Variants in NRCAM observed in about 807,000 individuals in gnomAD.
NRCAM encodes neuronal cell adhesion molecule.
In NRCAM, 83 loss-of-function variants were observed where a neutral mutation model predicts 156.5. The ratio of observed to expected loss-of-function variants is 0.53; its 90% CI spans 0.44 to 0.64. The LOEUF is 0.64. Among genes scored for constraint, NRCAM ranks in the 30% least tolerant of loss-of-function variants. The pLI is 0.00. For missense variants in NRCAM, 1,417 were observed against 1,597.3 expected (o/e 0.89, Z 1.92); for synonymous variants, 538 against 563.9 (o/e 0.95, Z 0.65).
rs2092922458 is a variant in NRCAM, at chr7:108,223,958, A to C, written c.779-122T>G. On this transcript the variant is annotated intron_variant, in intron 10 of 32. Coordinates refer to ENST00000379028, the MANE Select transcript of NRCAM (RefSeq NM_001037132.4). ...TTTAAGCTATTTAACATTAATTGTG[A>C]AATTTGTTAAGCTACATACACATAC... 2.6e-5 allele frequency: 16 copies of C among 614,486 alleles called. No homozygotes were observed. The East Asian group carries it at 4.5e-4, about 17-fold the overall frequency. 38.1% of individuals were successfully genotyped at this position (614,486 alleles called of 1,614,324 possible).
intron 3 of NRCAM, among the ~76,000 whole-genome samples, chr7:108,262,431 C>G (rs1412113880): frequency 1.3e-5 from 2 of 152,120 alleles, no homozygotes; most frequent in African/African-American, 4.8e-5. Context: ...GGTTCTCTCA[C>G]TTGTCTCCTT....
intron 3 of NRCAM, among the ~76,000 whole-genome samples, chr7:108,312,046 A>T (rs2098810109): frequency 6.6e-6 from 1 of 152,160 alleles, no homozygotes; most frequent in South Asian, 2.1e-4. Flanking sequence ...TTCAGAAGGC[A>T]TCATAGGCCT....
In NRCAM at chr7:108,343,549, C is replaced by T. The variant is rs184318273; in HGVS notation, c.-173-30818G>A. On this transcript the variant is annotated intron_variant, in intron 2 of 32. Coordinates refer to ENST00000379028, the MANE Select transcript of NRCAM (RefSeq NM_001037132.4). Reference sequence around the variant, plus strand: ...AGAAGGACCCCTAGTATGTGGTAATCCCCTCTGGGAAACCAAGCCCCAGTA... The same window carrying T: ...AGAAGGACCCCTAGTATGTGGTAATTCCCTCTGGGAAACCAAGCCCCAGTA... Among the ~76,000 whole-genome samples, 394 of 152,312 alleles carry T rather than the reference C, an allele frequency of 2.6e-3. 3 individuals are homozygous for T. Among genetic ancestry groups the T allele is most frequent in the African/African-American group, 9.1e-3 (379 of 41,580 alleles).
chr7:108,172,658 T>C (rs2058921040), intron 28 of NRCAM, among the ~76,000 whole-genome samples: 1 of 152,116 alleles, frequency 6.6e-6, no homozygotes, highest in Admixed American at 6.5e-5. Flanking sequence ...TACACAAATA[T>C]TGAGAGCTTT....
At chr7:108,178,568 G>C (rs2061888208) in intron 25 of NRCAM, among the ~76,000 whole-genome samples, 1 of 152,158 alleles carries the variant, frequency 6.6e-6, no homozygotes, top group African/African-American at 2.4e-5. Context: ...GCTGGGCTTT[G>C]GGCCAGCATG....
intron 1 of NRCAM, among the ~76,000 whole-genome samples, chr7:108,431,741 T>C (rs7780552): frequency 0.9 from 137,094 of 152,274 alleles, 62,154 homozygotes; most frequent in East Asian, 1. Context: ...GCTAGGATCA[T>C]GCCACTGCAC....
chr7:108,356,413 G>A (rs989760835), intron 2 of NRCAM, among the ~76,000 whole-genome samples: 11 of 152,188 alleles, frequency 7.2e-5, no homozygotes, highest in Non-Finnish European at 1.5e-4. Context: ...ATAGGGTTCA[G>A]TACTATCTGC....
At chr7:108,160,577 CGTTAT>C in intron 30 of NRCAM, 85 bp from the exon 31 acceptor site, 2 of 1,229,110 alleles carry the variant, frequency 1.6e-6, no homozygotes, top group Non-Finnish European at 2.2e-6. Flanking sequence ...AAAATTGCCA[CGTTAT>C]GTGAGCTTTC....
chr7:108,396,206 T>A (rs2099776428), intron 2 of NRCAM, among the ~76,000 whole-genome samples: 1 of 152,142 alleles, frequency 6.6e-6, no homozygotes, highest in South Asian at 2.1e-4. Context: ...CAAAAAAGAT[T>A]GAAACAGGGA....
chr7:108,347,345 G>C (rs2099365550), intron 2 of NRCAM, among the ~76,000 whole-genome samples: 1 of 152,098 alleles, frequency 6.6e-6, no homozygotes, highest in African/African-American at 2.4e-5. Context: ...TTATATTTCT[G>C]TTAGACTGTG....
chr7:108,433,002 C>T (rs754480539), intron 1 of NRCAM, among the ~76,000 whole-genome samples: 2 of 152,112 alleles, frequency 1.3e-5, no homozygotes, highest in Non-Finnish European at 2.9e-5. Context: ...GGACTCTGTC[C>T]ATTTTGTGTT....
At chr7:108,230,774 T>G (rs2094224466) in intron 8 of NRCAM, among the ~76,000 whole-genome samples, 1 of 152,040 alleles carries the variant, frequency 6.6e-6, no homozygotes, top group South Asian at 2.1e-4. Context: ...ATTTTCTAAA[T>G]GTACTTATTG....
At chr7:108,180,156 T>G (rs2062703680) in intron 25 of NRCAM, 67 bp downstream of exon 25, 2 of 1,411,242 alleles carry the variant, frequency 1.4e-6, no homozygotes, top group Admixed American at 1.8e-5. Flanking sequence ...GTAGCCCTTC[T>G]GTCAGGCAAA....
intron 1 of NRCAM, among the ~76,000 whole-genome samples, chr7:108,454,463 G>A (rs1854191959): frequency 6.6e-6 from 1 of 152,178 alleles, no homozygotes; most frequent in Admixed American, 6.5e-5. Context: ...TTTTTAAAAT[G>A]GGGTTGCTGT....
chr7:108,318,308 G>A (rs1302005980), intron 2 of NRCAM, among the ~76,000 whole-genome samples: 1 of 152,040 alleles, frequency 6.6e-6, no homozygotes, highest in Non-Finnish European at 1.5e-5. Flanking sequence ...GCCTCCCAAA[G>A]TGTTGGGATT....
chr7:108,256,153 T>G (rs1216236675), intron 3 of NRCAM, among the ~76,000 whole-genome samples: 2 of 152,196 alleles, frequency 1.3e-5, no homozygotes, highest in African/African-American at 4.8e-5. Context: ...GAACGGGCCA[T>G]GATGACGGTG....
intron 2 of NRCAM, among the ~76,000 whole-genome samples, chr7:108,318,620 A>G (rs2098961176): frequency 2.0e-5 from 3 of 152,182 alleles, no homozygotes; most frequent in Non-Finnish European, 2.9e-5. Context: ...AGTCTCAGGA[A>G]AGTGACCATG....
chr7:108,264,268 G>A (rs1334794073), intron 3 of NRCAM, among the ~76,000 whole-genome samples: 4 of 152,154 alleles, frequency 2.6e-5, no homozygotes, highest in African/African-American at 4.8e-5. Flanking sequence ...TAGCCTCTGC[G>A]CCTGGTCTGC....
chr7:108,313,821 T>C (rs73727527), intron 2 of NRCAM, among the ~76,000 whole-genome samples: 1,545 of 152,324 alleles, frequency 0.01, 26 homozygotes, highest in African/African-American at 0.034. Context: ...CCTAGAGTTG[T>C]GTAGGAGAGC....
Sources: gnomAD v4.1 joint callset for allele counts (sites outside exome capture counted in the v4.1 genomes callset) on GRCh38, gnomAD v4.1.1 for gene constraint, MANE v1.5 for transcripts, NCBI Gene and HGNC (gene_info 2026-07-23, HGNC 2026-07-21) for gene names.